Variants in MAP4 observed in about 807,000 individuals in gnomAD.
MAP4 encodes microtubule associated protein 4.
Under a neutral mutation model 170.2 loss-of-function variants are expected in MAP4, and 76 were observed. The observed-to-expected ratio is 0.45, with a 90% confidence interval of 0.37 to 0.54. MAP4 has a LOEUF of 0.54. Ranked by LOEUF, MAP4 falls within the 20% of genes least tolerant of loss-of-function variation. The pLI is 0.00. For missense variants in MAP4, 2,506 were observed against 2,748.0 expected, an observed-to-expected ratio of 0.91 and a Z score of 1.97; for synonymous variants, 909 against 994.5, an observed-to-expected ratio of 0.91 and a Z score of 1.62.
chr3:47,853,200 C>G lies in MAP4; in HGVS notation c.6849G>C (p.Arg2283Ser). The G allele has an allele frequency of 4.4e-6, 7 of 1,580,716 alleles. No individual in the cohort carries two copies. The highest frequency in any genetic ancestry group is 6.0e-6 in the Non-Finnish European group (7 of 1,162,048). The change falls in exon 20 of 21, where the codon AGG (arginine) becomes AGC (serine). Residue 2283 changes from arginine (R) to serine (S), a missense_variant. This residue lies in a region of MAP4 where 487 missense variants were observed against 511.6 expected (regional missense o/e 0.95). Coordinates refer to ENST00000683076, the MANE Select transcript of MAP4 (RefSeq NM_001385682.1). Reference protein sequence around the residue: ...HPTLSGGGDQREAQTLDSQIQ... With the variant: ...HPTLSGGGDQSEAQTLDSQIQ... ...TCTGGCTGTCCAAGGTCTGGGCCTC[C>G]CTTTGGTCACCACCCCCTGACAGGG...
intron 17 of MAP4, among the ~76,000 whole-genome samples, chr3:47,863,824 T>C (rs890806076): frequency 1.1e-4 from 16 of 151,962 alleles, no homozygotes; most frequent in Non-Finnish European, 2.4e-4. Flanking sequence ...TCTGTCTGTC[T>C]GTCGGGGGCA....
chr3:47,855,196 G>T lies in MAP4; in HGVS notation c.6696+52C>A. 7.6e-7 allele frequency: 1 copy of T among 1,308,672 alleles called. No homozygotes were observed. Among genetic ancestry groups the T allele is most frequent in the Non-Finnish European group, 1.1e-6 (1 of 903,128 alleles). The allele number at this position is 1,308,672 out of a possible 1,614,324, so 81.1% of individuals were successfully genotyped here. On this transcript the variant is annotated intron_variant, in intron 19 of 20. Transcript: ENST00000683076. This position sits in a 1 kb window ranked among gnomAD's most constrained non-coding sequence, Gnocchi z 5.1. ...ACCTGTGAGGACCCTGACCCTAACTGCATAGTTCCCACCCCTCCCCAGCTG... is the reference window on the plus strand; with the variant it reads ...ACCTGTGAGGACCCTGACCCTAACTTCATAGTTCCCACCCCTCCCCAGCTG...
Position 47,955,907 on chromosome 3 carries a change from T to C in MAP4, c.292+21958A>G, listed in dbSNP as rs1250683593. Among the ~76,000 whole-genome samples the C allele has an allele frequency of 1.3e-5, 2 of 152,192 alleles. 1 individual carries two copies. Among genetic ancestry groups the C allele is most frequent in the African/African-American group, 4.8e-5 (2 of 41,450 alleles). On this transcript the variant is annotated intron_variant, in intron 3 of 20. Transcript: ENST00000683076. ...GTCCATGGCAAATAGGGATGCTGAA[T>C]GGAGCCTTTAGCAAGCAAGAATAAG...
intron 1 of MAP4, among the ~76,000 whole-genome samples, chr3:48,010,825 C>A (rs543986140): frequency 6.6e-6 from 1 of 152,282 alleles, no homozygotes; most frequent in South Asian, 2.1e-4. Flanking sequence ...CCTAGCCTCC[C>A]AGCCTATATC....
chr3:48,029,092 T>C (rs9863220), intron 1 of MAP4, among the ~76,000 whole-genome samples: 149,081 of 152,068 alleles, frequency 0.98, 73,141 homozygotes, highest in East Asian at 1. Flanking sequence ...GATGAGTGAG[T>C]CGAAATTGTG....
chr3:48,017,693 T>C (rs2100108484), upstream of MAP4, among the ~76,000 whole-genome samples: 1 of 152,118 alleles, frequency 6.6e-6, no homozygotes, highest in Non-Finnish European at 1.5e-5. Context: ...CTTCTCTCCC[T>C]CCTCATTTGT....
intron 1 of MAP4, among the ~76,000 whole-genome samples, chr3:48,025,939 C>CAATAAT (rs1277225341): frequency 1.4e-5 from 1 of 69,084 alleles, no homozygotes; most frequent in African/African-American, 4.5e-5. Flanking sequence ...ATAATAATAA[C>CAATAAT]AATAATAATA....
chr3:48,070,371 C>T (rs1279127756), intron 1 of MAP4, among the ~76,000 whole-genome samples: 1 of 151,894 alleles, frequency 6.6e-6, no homozygotes, highest in Non-Finnish European at 1.5e-5. Flanking sequence ...GAGACCTCTT[C>T]TTCTACCACT....
At chr3:47,875,645 G>A in intron 12 of MAP4, 40 bp downstream of exon 12, 3 of 1,544,700 alleles carry the variant, frequency 1.9e-6, no homozygotes, top group Non-Finnish European at 2.7e-6. Context: ...ACTCAGAGGG[G>A]AACAATTTTC....
intron 1 of MAP4, among the ~76,000 whole-genome samples, chr3:48,053,941 A>C (rs989091249): frequency 2.0e-5 from 3 of 152,198 alleles, no homozygotes; most frequent in Admixed American, 6.5e-5. Flanking sequence ...TCTCTTTTAT[A>C]ATTTTTGTGT....
At chr3:48,083,881 C>T (rs1363716273) in intron 1 of MAP4, among the ~76,000 whole-genome samples, 1 of 150,704 alleles carries the variant, frequency 6.6e-6, no homozygotes, top group African/African-American at 2.4e-5. Context: ...CGCTTGCCAC[C>T]ATGCCAGCTA....
At chr3:48,075,617 A>T (rs1448525830) in intron 1 of MAP4, among the ~76,000 whole-genome samples, 1 of 152,160 alleles carries the variant, frequency 6.6e-6, no homozygotes, top group East Asian at 1.9e-4. Flanking sequence ...CAATGGAAAA[A>T]GAAGTCTTTT....
intron 10 of MAP4, among the ~76,000 whole-genome samples, chr3:47,887,130 C>T (rs902610647): frequency 2.0e-5 from 3 of 152,248 alleles, no homozygotes; most frequent in African/African-American, 7.2e-5. Flanking sequence ...TTTGGCCCGC[C>T]GCTGCACTGT....
chr3:48,042,379 C>G (rs914767128), intron 1 of MAP4, among the ~76,000 whole-genome samples: 1 of 152,106 alleles, frequency 6.6e-6, no homozygotes, highest in African/African-American at 2.4e-5. Context: ...GTAGGAGAAA[C>G]GGAGTTTGTT....
chr3:47,856,874 A>AG (rs1420334694), intron 18 of MAP4, among the ~76,000 whole-genome samples: 2 of 152,210 alleles, frequency 1.3e-5, no homozygotes, highest in African/African-American at 4.8e-5. Context: ...CGAGGCTGCT[A>AG]GGGGACTACC....
At chr3:48,061,817 C>T (rs1328632392) in intron 1 of MAP4, among the ~76,000 whole-genome samples, 1 of 151,650 alleles carries the variant, frequency 6.6e-6, no homozygotes, top group African/African-American at 2.4e-5. Context: ...ACCCGGCCAG[C>T]CGCCCCATCC....
intron 15 of MAP4, among the ~76,000 whole-genome samples, chr3:47,869,670 C>T (rs899633246): frequency 1.3e-5 from 2 of 152,102 alleles, no homozygotes; most frequent in African/African-American, 2.4e-5. Context: ...CAATACCCCC[C>T]ACCCCATGCC....
chr3:47,881,254 G>A (rs2096658928), intron 10 of MAP4, among the ~76,000 whole-genome samples: 1 of 151,120 alleles, frequency 6.6e-6, no homozygotes, highest in Non-Finnish European at 1.5e-5. Flanking sequence ...TTTGAGACTA[G>A]CCTGGGCAAC....
At chr3:47,904,326 TA>T in intron 9 of MAP4, among the ~76,000 whole-genome samples, 1 of 152,072 alleles carries the variant, frequency 6.6e-6, no homozygotes, top group Admixed American at 6.6e-5. Flanking sequence ...TTATTATTAT[TA>T]TTTTTTGAGA....
Sources: gnomAD v4.1 joint callset for allele counts (sites outside exome capture counted in the v4.1 genomes callset) on GRCh38, gnomAD v4.1.1 for gene constraint, gnomAD v4.1.1 regional missense constraint, Gnocchi (gnomAD v3.1) non-coding constraint, MANE v1.5 for transcripts, NCBI Gene and HGNC (gene_info 2026-07-23, HGNC 2026-07-21) for gene names.